The following METTL15 variants were observed in gnomAD, a reference collection of about 807,000 sequenced individuals.
METTL15 encodes methyltransferase 15, mitochondrial 12S rRNA N4-cytidine.
Under a neutral mutation model 38.3 loss-of-function variants are expected in METTL15, and 34 were observed. The ratio of observed to expected loss-of-function variants is 0.89; its 90% CI spans 0.68 to 1.18. The LOEUF (loss-of-function observed/expected upper bound fraction) is 1.18, where lower values mean the gene tolerates loss of function less well. METTL15 is among the 50% of genes most tolerant of loss of function. The pLI, the probability that METTL15 is intolerant of heterozygous loss-of-function variation, is 0.00. For missense variants in METTL15, 438 were observed against 498.4 expected (o/e 0.88, Z 1.15); for synonymous variants, 162 against 170.9 (o/e 0.95, Z 0.41).
At chr11:28,172,708 T>A (rs1850903176) in intron 3 of METTL15, among the ~76,000 whole-genome samples, 1 of 152,206 alleles carries the variant, frequency 6.6e-6, no homozygotes, top group African/African-American at 2.4e-5. Context: ...AGACATTGCG[T>A]TAGGTACTAG....
chr11:28,423,732 T>A (rs1850840994), intron 5 of METTL15, among the ~76,000 whole-genome samples: 1 of 151,920 alleles, frequency 6.6e-6, no homozygotes, highest in African/African-American at 2.4e-5. Context: ...TGGAGAGTAG[T>A]AGGGATAGTT....
intron 6 of METTL15, 69 bp downstream of exon 6, chr11:28,297,000 TGCATGCAC>T: frequency 6.6e-7 from 1 of 1,505,462 alleles, no homozygotes; most frequent in South Asian, 1.2e-5. Context: ...TGTGTTTGTG[TGCATGCAC>T]GCATGCACAT....
intron 6 of METTL15, among the ~76,000 whole-genome samples, chr11:28,319,202 A>C (rs1185777379): frequency 1.3e-5 from 2 of 151,952 alleles, no homozygotes; most frequent in Admixed American, 6.6e-5. Flanking sequence ...AAGATTCCAC[A>C]CTCATTTTCT....
At chr11:28,348,680 T>TTATGTATGTATG (rs55889001) in intron 3 of METTL15, among the ~76,000 whole-genome samples, 38 of 145,890 alleles carry the variant, frequency 2.6e-4, no homozygotes, top group Middle Eastern at 3.3e-3. Context: ...GTCTATCCAT[T>TTATGTATGTATG]TATGTATGTA....
intron 4 of METTL15, among the ~76,000 whole-genome samples, chr11:28,274,880 A>G (rs1445620113): frequency 1.3e-5 from 2 of 151,878 alleles, no homozygotes; most frequent in Admixed American, 1.3e-4. Flanking sequence ...ACACATGTAT[A>G]TATATGTAAC....
intron 4 of METTL15, among the ~76,000 whole-genome samples, chr11:28,259,750 C>G (rs1183433716): frequency 1.3e-5 from 2 of 152,172 alleles, no homozygotes; most frequent in African/African-American, 4.8e-5. Flanking sequence ...GCTGTTTTTC[C>G]TACCTCCTCA....
intron 3 of METTL15, among the ~76,000 whole-genome samples, chr11:28,209,373 C>T (rs994136580): frequency 6.6e-6 from 1 of 151,850 alleles, no homozygotes; most frequent in Admixed American, 6.6e-5. Context: ...TGATGTAATG[C>T]ATAGTGGAAG....
intron 6 of METTL15, among the ~76,000 whole-genome samples, chr11:28,479,429 C>A (rs1308922079): frequency 6.6e-6 from 1 of 152,090 alleles, no homozygotes; most frequent in Non-Finnish European, 1.5e-5. Flanking sequence ...GTATGGTTCC[C>A]ATTGGCTTTT....
chr11:28,469,910 A>G (rs942899317), intron 6 of METTL15, among the ~76,000 whole-genome samples: 72 of 152,180 alleles, frequency 4.7e-4, no homozygotes, highest in Admixed American at 4.1e-3. Context: ...GTTAAAACAT[A>G]TTAGTGTTTA....
intron 5 of METTL15, among the ~76,000 whole-genome samples, chr11:28,389,220 T>C (rs1850474916): frequency 2.0e-5 from 2 of 98,070 alleles, no homozygotes; most frequent in Non-Finnish European, 4.0e-5. Context: ...CTGGGTGAAA[T>C]AGTATTTCTA....
At chr11:28,338,457 T>C (rs1450694226), downstream of METTL15, among the ~76,000 whole-genome samples, 7 of 152,268 alleles carry the variant, frequency 4.6e-5, no homozygotes, top group Non-Finnish European at 4.4e-5. Flanking sequence ...TCCATAAAAA[T>C]ATTTTTTTCC....
chr11:28,214,201 A>AT (rs1852768140), intron 4 of METTL15, among the ~76,000 whole-genome samples: 1 of 151,522 alleles, frequency 6.6e-6, no homozygotes, highest in African/African-American at 2.4e-5. Flanking sequence ...CACCTGTCTA[A>AT]TTTTTTATTT....
At chr11:28,430,198 C>A (rs1164977422) in intron 6 of METTL15, among the ~76,000 whole-genome samples, 5 of 151,730 alleles carry the variant, frequency 3.3e-5, no homozygotes, top group Non-Finnish European at 5.9e-5. Flanking sequence ...CGTCTCCACC[C>A]GGCAGCCACC....
chr11:28,276,776 A>G (rs747736247), intron 4 of METTL15, among the ~76,000 whole-genome samples: 1 of 152,202 alleles, frequency 6.6e-6, no homozygotes, highest in Non-Finnish European at 1.5e-5. Flanking sequence ...ATAAAGCCAT[A>G]TATTTACAGC....
intron 5 of METTL15, among the ~76,000 whole-genome samples, chr11:28,414,848 C>A (rs1213188070): frequency 6.6e-6 from 1 of 152,226 alleles, no homozygotes; most frequent in Admixed American, 6.5e-5. Flanking sequence ...GAAAGCTTAT[C>A]TTCCTGCTAG....
At chr11:28,140,624 C>T (rs1222609491) in intron 3 of METTL15, among the ~76,000 whole-genome samples, 1 of 152,128 alleles carries the variant, frequency 6.6e-6, no homozygotes, top group Non-Finnish European at 1.5e-5. Flanking sequence ...TGTCTCATGA[C>T]CAGGAAGAAA....
chr11:28,509,373 T>C (rs551513716), intron 6 of METTL15, among the ~76,000 whole-genome samples: 1 of 152,252 alleles, frequency 6.6e-6, no homozygotes, highest in Non-Finnish European at 1.5e-5. Flanking sequence ...AGTCAATGTG[T>C]AATTGATGTA....
chr11:28,357,008 G>A (rs1344140478), intron 4 of METTL15, among the ~76,000 whole-genome samples: 1 of 152,132 alleles, frequency 6.6e-6, no homozygotes, highest in Non-Finnish European at 1.5e-5. Flanking sequence ...GCCTGACTCC[G>A]TAGGCATATC....
intron 5 of METTL15, among the ~76,000 whole-genome samples, chr11:28,390,153 G>A (rs1403871649): frequency 0.035 from 5,357 of 151,434 alleles, 312 homozygotes; most frequent in African/African-American, 0.12. Context: ...AGTAGGTTGT[G>A]AAAATTTTCT....
Sources: gnomAD v4.1 joint callset for allele counts (sites outside exome capture counted in the v4.1 genomes callset) on GRCh38, gnomAD v4.1.1 for gene constraint, MANE v1.5 for transcripts, NCBI Gene and HGNC (gene_info 2026-07-23, HGNC 2026-07-21) for gene names.